SLC8A1: variants seen among roughly 807,000 people sequenced by gnomAD.
The protein encoded by SLC8A1 is sodium/calcium exchanger 1.
Under a neutral mutation model 68.3 loss-of-function variants are expected in SLC8A1, and 18 were observed. That is an observed-to-expected ratio of 0.26 (90% CI 0.18 to 0.39). The LOEUF (loss-of-function observed/expected upper bound fraction) is 0.39, where lower values mean the gene tolerates loss of function less well. Among genes scored for constraint, SLC8A1 ranks in the 10% least tolerant of loss-of-function variants. SLC8A1 has a pLI of 1.00. For missense variants in SLC8A1, 985 were observed against 1,156.7 expected (o/e 0.85, Z 2.15); for synonymous variants, 475 against 415.5 (o/e 1.14, Z -1.74).
chr2:40,220,179 G>A (rs1309369579), intron 2 of SLC8A1: 1 of 146,644 alleles, frequency 6.8e-6, no homozygotes, highest in African/African-American at 2.5e-5. Flanking sequence ...AAAGAAGAAA[G>A]AGAAAGAGAC....
At chr2:40,191,850 G>T (rs2051921038) in intron 2 of SLC8A1, among the ~76,000 whole-genome samples, 2 of 152,152 alleles carry the variant, frequency 1.3e-5, no homozygotes, top group Non-Finnish European at 2.9e-5. Flanking sequence ...TTTTGACCCA[G>T]ACATAATCTT....
At chr2:40,458,128 C>T (rs950964180) in intron 1 of SLC8A1, among the ~76,000 whole-genome samples, 1 of 152,192 alleles carries the variant, frequency 6.6e-6, no homozygotes, top group African/African-American at 2.4e-5. Flanking sequence ...TAATTTGTGG[C>T]AAAGACGAGT....
chr2:40,159,330 AT>A (rs2045240792), intron 6 of SLC8A1, among the ~76,000 whole-genome samples: 1 of 152,228 alleles, frequency 6.6e-6, no homozygotes. Flanking sequence ...AAGAACAATA[AT>A]TGACATAGAA....
At chr2:40,120,542 T>G (rs1481207532) in intron 7 of SLC8A1, among the ~76,000 whole-genome samples, 1 of 152,224 alleles carries the variant, frequency 6.6e-6, no homozygotes, top group African/African-American at 2.4e-5. Context: ...GTTTGGGTGG[T>G]GCACAGAATA....
At chr2:40,459,331 G>C (rs1349521636) in intron 1 of SLC8A1, among the ~76,000 whole-genome samples, 1 of 152,070 alleles carries the variant, frequency 6.6e-6, no homozygotes, top group Non-Finnish European at 1.5e-5. Context: ...AACCTTTTTT[G>C]AGAGTCCCAA....
intron 2 of SLC8A1, among the ~76,000 whole-genome samples, chr2:40,256,306 C>T (rs2063911426): frequency 6.6e-6 from 1 of 152,064 alleles, no homozygotes; most frequent in South Asian, 2.1e-4. Flanking sequence ...GAGACGGCTG[C>T]CTGGATTCTA....
At chr2:40,413,234 C>T (rs576535191) in intron 2 of SLC8A1, among the ~76,000 whole-genome samples, 4 of 152,292 alleles carry the variant, frequency 2.6e-5, no homozygotes, top group Admixed American at 1.3e-4. Flanking sequence ...CCATTTGGCC[C>T]AGCCATCCCA....
chr2:40,326,249 C>T (rs1489056426), intron 2 of SLC8A1, among the ~76,000 whole-genome samples: 1 of 152,128 alleles, frequency 6.6e-6, no homozygotes, highest in African/African-American at 2.4e-5. Context: ...TTTCTGTTTA[C>T]CCCTTATTTT....
intron 1 of SLC8A1, among the ~76,000 whole-genome samples, chr2:40,484,790 C>T (rs1033514763): frequency 6.6e-6 from 1 of 152,078 alleles, no homozygotes; most frequent in African/African-American, 2.4e-5. Flanking sequence ...AGATGTGGAC[C>T]ACTAACACAG....
chr2:40,459,350 A>C (rs1055134556), intron 1 of SLC8A1, among the ~76,000 whole-genome samples: 7 of 149,270 alleles, frequency 4.7e-5, no homozygotes, highest in African/African-American at 1.0e-4. Context: ...AAACAGATAA[A>C]ATGATATAGG....
chr2:40,404,328 C>T (rs954788855), intron 2 of SLC8A1, among the ~76,000 whole-genome samples: 2 of 152,152 alleles, frequency 1.3e-5, no homozygotes, highest in African/African-American at 4.8e-5. Flanking sequence ...GGACTATTAA[C>T]ATTTTTATTC....
At chr2:40,209,658 G>A (rs1201977967) in intron 2 of SLC8A1, among the ~76,000 whole-genome samples, 1 of 152,148 alleles carries the variant, frequency 6.6e-6, no homozygotes, top group Non-Finnish European at 1.5e-5. Flanking sequence ...TGGTGCCTCA[G>A]GACAGGATAG....
At chr2:40,416,007 C>G (rs185324694) in intron 2 of SLC8A1, among the ~76,000 whole-genome samples, 62 of 148,520 alleles carry the variant, frequency 4.2e-4, no homozygotes, top group Middle Eastern at 3.4e-3. Flanking sequence ...GCTGAGATCA[C>G]GCCACTGCAC....
At chr2:40,433,619 G>T (rs866743418) in intron 1 of SLC8A1, among the ~76,000 whole-genome samples, 1 of 152,154 alleles carries the variant, frequency 6.6e-6, no homozygotes, top group Admixed American at 6.6e-5. Flanking sequence ...ATCCTAAATA[G>T]TAGGTACTAT....
At chr2:40,226,236 T>G (rs1486504857) in intron 2 of SLC8A1, among the ~76,000 whole-genome samples, 2 of 152,120 alleles carry the variant, frequency 1.3e-5, no homozygotes, top group Admixed American at 1.3e-4. Context: ...TGCAATGTAA[T>G]TACTCAAACT....
At chr2:40,380,589 C>G (rs1447710734) in intron 2 of SLC8A1, among the ~76,000 whole-genome samples, 2 of 151,992 alleles carry the variant, frequency 1.3e-5, no homozygotes, top group African/African-American at 4.8e-5. Context: ...CAAGTGGGTT[C>G]CACCAGCTGC....
At chr2:40,494,368 G>A (rs555030026) in intron 1 of SLC8A1, among the ~76,000 whole-genome samples, 1 of 152,050 alleles carries the variant, frequency 6.6e-6, no homozygotes, top group East Asian at 1.9e-4. Flanking sequence ...ACCAAATGGT[G>A]TATATGTGCC....
intron 2 of SLC8A1, among the ~76,000 whole-genome samples, chr2:40,350,723 AAATTAT>A (rs1440761052): frequency 2.0e-5 from 3 of 152,002 alleles, no homozygotes; most frequent in African/African-American, 7.2e-5. Flanking sequence ...AAGATGTTAT[AAATTAT>A]AAAAGCACAA....
chr2:40,501,366 T>A (rs1355879951), intron 1 of SLC8A1, among the ~76,000 whole-genome samples: 1 of 152,116 alleles, frequency 6.6e-6, no homozygotes. Context: ...TATTTTCAGT[T>A]CTTCAAGTAA....
Sources: gnomAD v4.1 joint callset for allele counts (sites outside exome capture counted in the v4.1 genomes callset) on GRCh38, gnomAD v4.1.1 for gene constraint, MANE v1.5 for transcripts, NCBI Gene and HGNC (gene_info 2026-07-23, HGNC 2026-07-21) for gene names.